The following TMC1 variants were observed in gnomAD, a reference collection of about 807,000 sequenced individuals.
The protein encoded by TMC1 is transmembrane channel-like protein 1.
TMC1 carries 84 observed loss-of-function variants against 105.8 expected under a neutral mutation model. The observed-to-expected ratio is 0.79, with a 90% CI of 0.67 to 0.95. The LOEUF is 0.95. Ranked by LOEUF, TMC1 falls within the 40% of genes least tolerant of loss-of-function variation. The probability of loss-of-function intolerance (pLI) is 0.00; values close to 1 mark genes in which losing one functional copy is unlikely to be tolerated. For synonymous variants in TMC1, 315 were observed against 311.5 expected (o/e 1.01, Z -0.12); for missense variants, 817 against 914.1 (o/e 0.89, Z 1.37).
chr9:72,602,207 A>G (rs1451888636), intron 2 of TMC1, among the ~76,000 whole-genome samples: 1 of 152,026 alleles, frequency 6.6e-6, no homozygotes, highest in African/African-American at 2.4e-5. Context: ...TGGCAATGCT[A>G]GGACACAGGT....
At chr9:72,738,907 T>TA (rs1827343387) in intron 8 of TMC1, among the ~76,000 whole-genome samples, 1 of 152,160 alleles carries the variant, frequency 6.6e-6, no homozygotes, top group Non-Finnish European at 1.5e-5. Flanking sequence ...CTCCATCACT[T>TA]AAACTATATG....
chr9:72,598,474 A>G (rs1824755848), intron 2 of TMC1, among the ~76,000 whole-genome samples: 1 of 150,804 alleles, frequency 6.6e-6, no homozygotes, highest in Non-Finnish European at 1.5e-5. Context: ...GAATGTTGTG[A>G]GGTGCTGATT....
chr9:72,523,300 T>A (rs1376814892), intron 1 of TMC1, among the ~76,000 whole-genome samples: 3 of 151,996 alleles, frequency 2.0e-5, no homozygotes, highest in African/African-American at 7.3e-5. Context: ...AATAGGGAAT[T>A]ATAGTTGACC....
chr9:72,830,141 A>G (rs1682383991), intron 21 of TMC1, among the ~76,000 whole-genome samples: 1 of 152,204 alleles, frequency 6.6e-6, no homozygotes, highest in African/African-American at 2.4e-5. Flanking sequence ...ATTTAAACTT[A>G]TGTGAATACA....
chr9:72,593,088 T>C (rs1271204008), intron 2 of TMC1, among the ~76,000 whole-genome samples: 1 of 152,138 alleles, frequency 6.6e-6, no homozygotes, highest in African/African-American at 2.4e-5. Context: ...TTTGAAATGG[T>C]TGGAAAAATT....
At chr9:72,739,864 T>G (rs1229905207) in intron 8 of TMC1, among the ~76,000 whole-genome samples, 2 of 152,246 alleles carry the variant, frequency 1.3e-5, no homozygotes, top group Admixed American at 1.3e-4. Context: ...TTTTGACATT[T>G]AGCATCAATT....
intron 8 of TMC1, among the ~76,000 whole-genome samples, chr9:72,739,260 T>G (rs1827349943): frequency 6.6e-6 from 1 of 152,118 alleles, no homozygotes; most frequent in Admixed American, 6.5e-5. Flanking sequence ...GGGCACTAAT[T>G]CCATTCATGA....
chr9:72,761,546 A>G (rs1305772766), intron 12 of TMC1, among the ~76,000 whole-genome samples: 1 of 152,114 alleles, frequency 6.6e-6, no homozygotes, highest in African/African-American at 2.4e-5. Context: ...AGGAGAGGAG[A>G]CTTAACACCT....
chr9:72,703,793 C>T (rs578086968), intron 8 of TMC1, among the ~76,000 whole-genome samples: 2 of 152,334 alleles, frequency 1.3e-5, no homozygotes, highest in Admixed American at 1.3e-4. Context: ...CAGCAAGGCT[C>T]ACAGTCTGGT....
intron 17 of TMC1, among the ~76,000 whole-genome samples, chr9:72,792,938 T>G (rs899907154): frequency 1.3e-5 from 2 of 152,118 alleles, no homozygotes; most frequent in African/African-American, 4.8e-5. Context: ...ACAGCCCACC[T>G]GGTAGTGACA....
At chr9:72,569,598 CAG>C (rs367562608) in intron 1 of TMC1, among the ~76,000 whole-genome samples, 9 of 152,184 alleles carry the variant, frequency 5.9e-5, no homozygotes, top group African/African-American at 2.2e-4. Context: ...GGCATTTAGG[CAG>C]AGGAAGCAAC....
chr9:72,611,262 T>C (rs184836116), intron 2 of TMC1, among the ~76,000 whole-genome samples: 1 of 152,244 alleles, frequency 6.6e-6, no homozygotes, highest in African/African-American at 2.4e-5. Context: ...CCATGAAGGA[T>C]ATGAAGAAGA....
intron 14 of TMC1, 121 bp from the exon 15 acceptor site, chr9:72,789,002 A>G (rs921091152): frequency 1.4e-5 from 14 of 986,208 alleles, no homozygotes; most frequent in Non-Finnish European, 2.0e-5. Context: ...TTTAGTTTAC[A>G]TTGTCATTCC....
At chr9:72,757,436 T>A (rs747732427) in intron 12 of TMC1, among the ~76,000 whole-genome samples, 1 of 152,226 alleles carries the variant, frequency 6.6e-6, no homozygotes, top group African/African-American at 2.4e-5. Context: ...TCAGAGTATG[T>A]AGCACACAGT....
In TMC1 at chr9:72,709,964, C is replaced by T. The variant is rs557335615; in HGVS notation, c.362+9321C>T. Among the ~76,000 whole-genome samples the T allele has an allele frequency of 4.6e-5, 7 of 152,204 alleles. No homozygotes were observed. The South Asian group carries it at 1.5e-3, about 32-fold the overall frequency. ...TTACCTTAGGTTGTCTATTTGTGCT[C>T]TTTCAGACTTTTTGGTGTAGGCATT... On this transcript the variant is annotated intron_variant, in intron 8 of 23. Coordinates refer to ENST00000297784, the MANE Select transcript of TMC1 (RefSeq NM_138691.3).
intron 12 of TMC1, among the ~76,000 whole-genome samples, chr9:72,756,357 G>T (rs1827676811): frequency 6.6e-6 from 1 of 152,198 alleles, no homozygotes; most frequent in African/African-American, 2.4e-5. Context: ...AACTGAGCAA[G>T]TGGTTCTTAT....
rs575149360 is a variant in TMC1, at chr9:72,814,232, G to A, written c.1696-1911G>A. ...CTGTTCCAAGGCAACAGATGGGTAC[G>A]GGCCAACCGAGTAAGCATTTTTCAG... On this transcript the variant is annotated intron_variant, in intron 18 of 23. Coordinates refer to ENST00000297784, the MANE Select transcript of TMC1 (RefSeq NM_138691.3). Among the ~76,000 whole-genome samples, 4 of 152,252 alleles carry A rather than the reference G, an allele frequency of 2.6e-5. No homozygotes were observed. The East Asian group carries it at 7.7e-4, about 29-fold the overall frequency.
intron 20 of TMC1, among the ~76,000 whole-genome samples, chr9:72,822,514 T>TTG (rs368968408): frequency 0.12 from 15,978 of 135,764 alleles, 947 homozygotes; most frequent in Admixed American, 0.2. Flanking sequence ...GTTAATTCCG[T>TTG]TGTGTGTGTG....
At chr9:72,718,404 T>G (rs906774239) in intron 8 of TMC1, among the ~76,000 whole-genome samples, 20 of 152,204 alleles carry the variant, frequency 1.3e-4, no homozygotes, top group African/African-American at 4.8e-4. Context: ...GTTCCCTTGA[T>G]GTAGTACTCT....
Sources: gnomAD v4.1 joint callset for allele counts (sites outside exome capture counted in the v4.1 genomes callset) on GRCh38, gnomAD v4.1.1 for gene constraint, MANE v1.5 for transcripts, NCBI Gene and HGNC (gene_info 2026-07-23, HGNC 2026-07-21) for gene names.